The following APP variants were observed in gnomAD, a reference collection of about 807,000 sequenced individuals.
The protein encoded by APP is amyloid-beta precursor protein.
In APP, 31 loss-of-function variants were observed where a neutral mutation model predicts 101.4. That is an observed-to-expected ratio of 0.31 (90% confidence interval 0.23 to 0.41). APP has a LOEUF of 0.41. APP is among the 10% of genes least tolerant of loss of function. APP has a pLI of 1.00. For missense variants in APP, 839 were observed against 1,003.7 expected, an observed-to-expected ratio of 0.84 and a Z score of 2.22; for synonymous variants, 366 against 364.4, an observed-to-expected ratio of 1.00 and a Z score of -0.05.
chr21:26,094,114 C>CAAA (rs539941515), intron 2 of APP, among the ~76,000 whole-genome samples: 6 of 73,180 alleles, frequency 8.2e-5, no homozygotes, highest in African/African-American at 2.7e-4. Context: ...GACTCGGTCT[C>CAAA]AAAAAAAAAA....
chr21:26,161,190 A>G (rs1024543846), intron 1 of APP, among the ~76,000 whole-genome samples: 1 of 152,212 alleles, frequency 6.6e-6, no homozygotes, highest in Admixed American at 6.5e-5. Flanking sequence ...GATCACAATC[A>G]ACACTAACTT....
chr21:26,170,123 C>T (rs1166135140), intron 1 of APP, among the ~76,000 whole-genome samples: 1 of 152,196 alleles, frequency 6.6e-6, no homozygotes. Flanking sequence ...CCCCAGGGCC[C>T]AAGAGAAAGG....
intron 13 of APP, among the ~76,000 whole-genome samples, chr21:25,940,714 G>A (rs1399991743): frequency 6.6e-6 from 1 of 152,112 alleles, no homozygotes; most frequent in Admixed American, 6.5e-5. Context: ...GAAGATAATA[G>A]CATAGGTGAC....
intron 1 of APP, among the ~76,000 whole-genome samples, chr21:26,150,360 G>C (rs1263765962): frequency 6.6e-6 from 1 of 152,164 alleles, no homozygotes; most frequent in Non-Finnish European, 1.5e-5. Flanking sequence ...AGAGGGGAAG[G>C]AGGATACCTT....
chr21:25,918,527 C>T (rs1033670682), intron 13 of APP, among the ~76,000 whole-genome samples: 2 of 152,118 alleles, frequency 1.3e-5, no homozygotes, highest in African/African-American at 4.8e-5. Flanking sequence ...GGTGCGTGCA[C>T]CGTGCGCGAG....
At chr21:26,126,432 C>T (rs73896828) in intron 1 of APP, among the ~76,000 whole-genome samples, 3,728 of 152,250 alleles carry the variant, frequency 0.024, 159 homozygotes, top group African/African-American at 0.085. Context: ...TGTGTACGGC[C>T]AATCTCCAGT....
At chr21:26,053,933 T>C (rs1223660484) in intron 3 of APP, among the ~76,000 whole-genome samples, 1 of 152,226 alleles carries the variant, frequency 6.6e-6, no homozygotes, top group Non-Finnish European at 1.5e-5. Context: ...AGAAAATGTA[T>C]ATTATGCAAA....
At chr21:26,135,761 C>T (rs2062883496) in intron 1 of APP, among the ~76,000 whole-genome samples, 1 of 152,138 alleles carries the variant, frequency 6.6e-6, no homozygotes, top group Non-Finnish European at 1.5e-5. Flanking sequence ...AATGTCACCA[C>T]ATTAGGAGTG....
intron 1 of APP, among the ~76,000 whole-genome samples, chr21:26,168,238 A>T (rs2063660170): frequency 6.6e-6 from 1 of 152,200 alleles, no homozygotes; most frequent in Admixed American, 6.5e-5. Flanking sequence ...AGGCCCCATT[A>T]TCATTGCCCT....
chr21:25,973,680 C>A (rs1216238283), intron 11 of APP, among the ~76,000 whole-genome samples: 2 of 151,986 alleles, frequency 1.3e-5, no homozygotes, highest in Non-Finnish European at 2.9e-5. Context: ...TGGTGGTTCA[C>A]GCCTGTAATC....
At position 26,075,209 on chromosome 21, in the gene APP, C is replaced by T. The variant is rs535592082; in HGVS notation, c.355+14734G>A. Among the ~76,000 whole-genome samples, 4 of 152,206 alleles carry T rather than the reference C, an allele frequency of 2.6e-5. No homozygotes were observed. In the East Asian group the frequency reaches 7.7e-4, roughly 29 times the overall value. On this transcript the variant is annotated intron_variant, in intron 3 of 17. Transcript: ENST00000346798. ...ATATTTATTAAATATGTACTATGTA[C>T]CAGACATGTTCAAGCTCTGGGAATA...
chr21:26,024,865 C>T (rs1329295073), intron 5 of APP, among the ~76,000 whole-genome samples: 2 of 152,032 alleles, frequency 1.3e-5, no homozygotes, highest in Non-Finnish European at 2.9e-5. Flanking sequence ...TGAAGACATC[C>T]GAAGAAGTTT....
At position 25,918,446 on chromosome 21, in the gene APP, T is replaced by C. The variant is rs564454575; in HGVS notation, c.1688-6484A>G. 1.2e-4 allele frequency among the ~76,000 whole-genome samples: 18 copies of C among 152,178 alleles called. 1 individual carries two copies. The highest frequency in any genetic ancestry group is 1.9e-4 in the Non-Finnish European group (13 of 68,000). ...CGTGAGCGACGCAGAAGACGGGTGA[T>C]TTCCGCATTTCCATCTGAGATACCG... On this transcript the variant is annotated intron_variant, in intron 13 of 17. Transcript: ENST00000346798.
At chr21:26,119,665 G>A (rs2062519399) in intron 1 of APP, among the ~76,000 whole-genome samples, 1 of 150,528 alleles carries the variant, frequency 6.6e-6, no homozygotes. Context: ...TGTATGGTAT[G>A]TAGTGGGAGT....
chr21:25,989,705 C>G (rs558970231), intron 8 of APP, among the ~76,000 whole-genome samples: 3 of 152,212 alleles, frequency 2.0e-5, no homozygotes, highest in Non-Finnish European at 2.9e-5. Flanking sequence ...AAATTAAGAC[C>G]TATATAAATC....
At chr21:25,914,377 G>A (rs974606231) in intron 13 of APP, among the ~76,000 whole-genome samples, 2 of 151,856 alleles carry the variant, frequency 1.3e-5, no homozygotes, top group South Asian at 4.1e-4. Context: ...CACTGTGGTA[G>A]TAGTGAGAGA....
chr21:25,899,827 T>G (rs1247186171), intron 15 of APP, among the ~76,000 whole-genome samples: 1 of 152,244 alleles, frequency 6.6e-6, no homozygotes, highest in Non-Finnish European at 1.5e-5. Flanking sequence ...GCTAGGGCTT[T>G]CTTTTCTCAT....
chr21:25,897,300 G>C (rs1308047531), intron 16 of APP, among the ~76,000 whole-genome samples: 1 of 152,090 alleles, frequency 6.6e-6, no homozygotes, highest in African/African-American at 2.4e-5. Flanking sequence ...ATTTTTAGTA[G>C]AGATGGGGTT....
intron 17 of APP, among the ~76,000 whole-genome samples, chr21:25,885,607 C>T (rs1337862953): frequency 1.3e-5 from 2 of 152,206 alleles, no homozygotes; most frequent in East Asian, 3.8e-4. Context: ...TCATGTGACT[C>T]TCGGTACGCT....
Sources: gnomAD v4.1 joint callset for allele counts (sites outside exome capture counted in the v4.1 genomes callset) on GRCh38, gnomAD v4.1.1 for gene constraint, MANE v1.5 for transcripts, NCBI Gene and HGNC (gene_info 2026-07-23, HGNC 2026-07-21) for gene names.